The following GLIS3 variants were observed in gnomAD, a reference collection of about 807,000 sequenced individuals.
GLIS3 encodes the protein GLIS family zinc finger 3, also known as zinc finger protein GLIS3.
GLIS3 carries 53 observed loss-of-function variants against 78.6 expected under a neutral mutation model. That is an observed-to-expected ratio of 0.67 (90% CI 0.54 to 0.85). GLIS3 has a LOEUF of 0.85. Among genes scored for constraint, GLIS3 ranks in the 40% least tolerant of loss-of-function variants. GLIS3 has a pLI of 0.00. For synonymous variants in GLIS3, 684 were observed against 509.9 expected, an observed-to-expected ratio of 1.34 and a Z score of -4.60; for missense variants, 1,703 against 1,231.1, an observed-to-expected ratio of 1.38 and a Z score of -5.74.
At chr9:4,090,916 T>C (rs1309438544) in intron 4 of GLIS3, among the ~76,000 whole-genome samples, 3 of 152,220 alleles carry the variant, frequency 2.0e-5, no homozygotes, top group African/African-American at 7.2e-5. Context: ...GGTTCTAGAA[T>C]CTGACTGCAA....
At chr9:3,945,262 T>C (rs901050231) in intron 4 of GLIS3, among the ~76,000 whole-genome samples, 6 of 152,242 alleles carry the variant, frequency 3.9e-5, no homozygotes, top group African/African-American at 1.4e-4. Context: ...CATGTATCTA[T>C]AATATATGAG....
chr9:4,288,218 A>G (rs1828162193), intron 1 of GLIS3, among the ~76,000 whole-genome samples: 1 of 152,246 alleles, frequency 6.6e-6, no homozygotes. Flanking sequence ...ATGTCTCTGT[A>G]CTTTGCCAGA....
intron 2 of GLIS3, among the ~76,000 whole-genome samples, chr9:4,280,605 G>C (rs1827458209): frequency 3.9e-5 from 6 of 152,138 alleles, no homozygotes; most frequent in African/African-American, 1.4e-4. Context: ...AGAATGAATT[G>C]TATTTAAGAA....
chr9:4,465,801 T>C, the GLIS3 span, among the ~76,000 whole-genome samples: 1 of 152,226 alleles, frequency 6.6e-6, no homozygotes, highest in South Asian at 2.1e-4. Context: ...CCTCTGGCTC[T>C]AACTAAGTAA....
At position 3,826,766 on chromosome 9, in the gene GLIS3, A is replaced by G. The variant is rs1037077105; in HGVS notation, c.*1506T>C. The G allele has an allele frequency of 2.6e-5, 4 of 152,228 alleles. No individual in the cohort carries two copies. The highest frequency in any genetic ancestry group is 5.9e-5 in the Non-Finnish European group (4 of 68,046). 9.4% of individuals were successfully genotyped at this position (152,228 alleles called of 1,614,324 possible). A position where few individuals can be genotyped will look rare whatever the true frequency, so the allele number is the denominator to read the frequency against. On this transcript the variant is annotated 3_prime_UTR_variant, in exon 11 of 11. Transcript: ENST00000381971. ...TTTAGTTGTCTTGTTGAAGATTGTAATGATCTCAGTTTGATAAATGGCATT... is the reference window on the plus strand; with the variant it reads ...TTTAGTTGTCTTGTTGAAGATTGTAGTGATCTCAGTTTGATAAATGGCATT...
At chr9:4,236,970 G>A (rs192664745) in intron 2 of GLIS3, among the ~76,000 whole-genome samples, 1 of 152,112 alleles carries the variant, frequency 6.6e-6, no homozygotes, top group South Asian at 2.1e-4. Context: ...ATCATTTCCA[G>A]TTGCACTAAA....
intron 4 of GLIS3, among the ~76,000 whole-genome samples, chr9:4,056,445 C>G (rs1022429934): frequency 1.3e-5 from 2 of 152,192 alleles, no homozygotes; most frequent in Non-Finnish European, 2.9e-5. Context: ...TCTTCCTTTT[C>G]CCATTTAGAA....
chr9:4,164,405 G>C (rs901766013), intron 2 of GLIS3, among the ~76,000 whole-genome samples: 1 of 152,212 alleles, frequency 6.6e-6, no homozygotes, highest in Non-Finnish European at 1.5e-5. Flanking sequence ...CAGAGCTTTT[G>C]TTGTTGTGAT....
intron 4 of GLIS3, among the ~76,000 whole-genome samples, chr9:4,089,569 T>C (rs1829317991): frequency 6.6e-6 from 1 of 152,178 alleles, no homozygotes; most frequent in East Asian, 1.9e-4. Flanking sequence ...CTCACACCTG[T>C]AATCCCAGCG....
At chr9:4,063,839 G>T (rs1826856708) in intron 4 of GLIS3, among the ~76,000 whole-genome samples, 1 of 152,064 alleles carries the variant, frequency 6.6e-6, no homozygotes, top group Non-Finnish European at 1.5e-5. Context: ...AAAAAGTGAA[G>T]GTATAATGGG....
the GLIS3 span, among the ~76,000 whole-genome samples, chr9:4,353,688 G>C: frequency 2.0e-5 from 3 of 152,320 alleles, no homozygotes; most frequent in Admixed American, 1.3e-4. Flanking sequence ...GATAGAGCCA[G>C]ATCCCTCCCC....
intron 4 of GLIS3, among the ~76,000 whole-genome samples, chr9:3,938,964 C>T (rs1036522925): frequency 2.0e-5 from 3 of 152,300 alleles, no homozygotes; most frequent in Admixed American, 6.5e-5. Flanking sequence ...CTTTGAATGA[C>T]GACTCAGAGA....
intron 4 of GLIS3, among the ~76,000 whole-genome samples, chr9:3,968,700 A>T (rs1179898462): frequency 1.3e-5 from 2 of 152,188 alleles, no homozygotes; most frequent in Non-Finnish European, 2.9e-5. Flanking sequence ...TACATAAATG[A>T]TAGTACAATT....
intron 2 of GLIS3, among the ~76,000 whole-genome samples, chr9:4,335,790 T>C (rs1817747204): frequency 6.6e-6 from 1 of 152,200 alleles, no homozygotes; most frequent in African/African-American, 2.4e-5. Flanking sequence ...TGCCCTACTC[T>C]GAATTGCCCC....
At chr9:4,466,843 C>T in the GLIS3 span, among the ~76,000 whole-genome samples, 4 of 152,344 alleles carry the variant, frequency 2.6e-5, no homozygotes, top group South Asian at 8.3e-4. Context: ...ATCGCCTCAT[C>T]CAGGAAGTGC....
chr9:4,464,356 T>C, the GLIS3 span, among the ~76,000 whole-genome samples: 1 of 151,506 alleles, frequency 6.6e-6, no homozygotes, highest in African/African-American at 2.4e-5. Context: ...TAATATTTTC[T>C]TTTATTTATT....
chr9:4,316,996 T>C (rs377372037), intron 2 of GLIS3, among the ~76,000 whole-genome samples: 22 of 152,284 alleles, frequency 1.4e-4, no homozygotes, highest in African/African-American at 3.4e-4. Context: ...TAAGAACCTA[T>C]TGACAATGTT....
chr9:3,884,169 C>T (rs757590296), intron 7 of GLIS3, among the ~76,000 whole-genome samples: 1 of 152,142 alleles, frequency 6.6e-6, no homozygotes, highest in Non-Finnish European at 1.5e-5. Context: ...AAATGAAAAC[C>T]ATTAATCTAT....
intron 2 of GLIS3, among the ~76,000 whole-genome samples, chr9:4,230,436 C>G (rs1384740298): frequency 6.6e-6 from 1 of 152,174 alleles, no homozygotes; most frequent in Non-Finnish European, 1.5e-5. Flanking sequence ...AGGGCCTCCT[C>G]CCTTCTCTGA....
Sources: allele counts gnomAD v4.1 joint callset (sites outside exome capture counted in the v4.1 genomes callset), GRCh38; gene constraint gnomAD v4.1.1; transcripts MANE v1.5; gene names NCBI Gene and HGNC (gene_info 2026-07-23, HGNC 2026-07-21).